TENM3: variants seen among roughly 807,000 people sequenced by gnomAD.
TENM3 encodes teneurin-3.
TENM3 carries 63 observed loss-of-function variants against 255.1 expected under a neutral mutation model. The observed-to-expected ratio is 0.25, with a 90% confidence interval of 0.20 to 0.30. TENM3 has a LOEUF of 0.30. TENM3 is among the 10% of genes least tolerant of loss of function. The pLI, the probability that TENM3 is intolerant of heterozygous loss-of-function variation, is 1.00. For missense variants in TENM3, 2,929 were observed against 3,461.1 expected (o/e 0.85, Z 3.86); for synonymous variants, 1,306 against 1,322.3 (o/e 0.99, Z 0.27).
At chr4:181,658,121 A>T in the TENM3 span, among the ~76,000 whole-genome samples, 2 of 152,194 alleles carry the variant, frequency 1.3e-5, no homozygotes, top group East Asian at 3.9e-4. Flanking sequence ...ACAAACCTGC[A>T]CATGTACTCT....
chr4:181,523,421 A>T, the TENM3 span, among the ~76,000 whole-genome samples: 1 of 117,458 alleles, frequency 8.5e-6, no homozygotes, highest in African/African-American at 3.1e-5. Context: ...TTTAAAATTA[A>T]AAAAAAAAAA....
chr4:181,889,244 C>T, the TENM3 span, among the ~76,000 whole-genome samples: 3 of 152,066 alleles, frequency 2.0e-5, no homozygotes, highest in East Asian at 1.9e-4. Context: ...GTGATGCGTG[C>T]GTTCACGTGG....
At chr4:181,612,360 T>C in the TENM3 span, among the ~76,000 whole-genome samples, 1 of 152,228 alleles carries the variant, frequency 6.6e-6, no homozygotes, top group Non-Finnish European at 1.5e-5. Context: ...TTCATTTCAG[T>C]CCTCATGGTA....
intron 5 of TENM3, among the ~76,000 whole-genome samples, chr4:182,640,818 C>T (rs968022070): frequency 6.6e-6 from 1 of 152,170 alleles, no homozygotes; most frequent in Non-Finnish European, 1.5e-5. Flanking sequence ...TTAGGAGTAA[C>T]TAAGGAAAAC....
the TENM3 span, among the ~76,000 whole-genome samples, chr4:181,670,168 T>C: frequency 6.6e-6 from 1 of 152,334 alleles, no homozygotes; most frequent in Admixed American, 6.5e-5. Flanking sequence ...ATTAATACTT[T>C]GGAATGAATA....
chr4:181,523,556 G>A, the TENM3 span, among the ~76,000 whole-genome samples: 1 of 152,044 alleles, frequency 6.6e-6, no homozygotes, highest in South Asian at 2.1e-4. Context: ...TGGCAAACAA[G>A]CCTGAACCAT....
At chr4:181,781,823 C>G in the TENM3 span, among the ~76,000 whole-genome samples, 1 of 152,112 alleles carries the variant, frequency 6.6e-6, no homozygotes, top group Non-Finnish European at 1.5e-5. Flanking sequence ...GAATTTTTAG[C>G]ATGAAGGGCT....
At chr4:182,543,801 G>C (rs61487250) in intron 3 of TENM3, among the ~76,000 whole-genome samples, 1 of 151,564 alleles carries the variant, frequency 6.6e-6, no homozygotes, top group Non-Finnish European at 1.5e-5. Context: ...TATTTTAAGT[G>C]CTTTACATAC....
chr4:182,359,175 C>A (rs375215790), intron 3 of TENM3, among the ~76,000 whole-genome samples: 2 of 152,106 alleles, frequency 1.3e-5, no homozygotes, highest in East Asian at 1.9e-4. Context: ...TTGGTCTAAA[C>A]TTCTCTTTTT....
chr4:181,957,288 G>A, the TENM3 span, among the ~76,000 whole-genome samples: 2 of 152,198 alleles, frequency 1.3e-5, no homozygotes, highest in South Asian at 4.2e-4. Context: ...CATGGACCAC[G>A]GCCAGCATCA....
chr4:182,420,543 C>T (rs2045406), intron 3 of TENM3, among the ~76,000 whole-genome samples: 150,925 of 152,358 alleles, frequency 0.99, 74,769 homozygotes, highest in East Asian at 1. Context: ...CTTTATCAGA[C>T]TAAAAATAGA....
chr4:182,793,114 A>C lies in TENM3; in HGVS notation c.6442A>C (p.Met2148Leu). The C allele has an allele frequency of 6.2e-7, 1 of 1,613,994 alleles. No individual in the cohort carries two copies. Among genetic ancestry groups the C allele is most frequent in the Non-Finnish European group, 8.5e-7 (1 of 1,179,908 alleles). Reference protein sequence around the residue: ...LQTVYLNEKIMWRYNYDLNGN... With the variant: ...LQTVYLNEKILWRYNYDLNGN... Reference sequence around the variant, plus strand: ...AACAGTTTACCTCAATGAAAAGATAATGTGGCGGTACAACTACGATCTGAA... The same window carrying C: ...AACAGTTTACCTCAATGAAAAGATACTGTGGCGGTACAACTACGATCTGAA... Residue 2148 changes from methionine to leucine, a missense_variant, in exon 26 of 28, where the codon ATG (methionine) becomes CTG (leucine). Physicochemically the swap from Met to Leu is conservative, Grantham distance 15 (BLOSUM62 2). Transcript: ENST00000511685. The surrounding 1 kb of genome is among the most constrained non-coding windows in gnomAD (Gnocchi z 5.7).
At chr4:182,663,882 A>G (rs57199838) in intron 6 of TENM3, among the ~76,000 whole-genome samples, 2,676 of 152,270 alleles carry the variant, frequency 0.018, 85 homozygotes, top group African/African-American at 0.061. Context: ...TTTAGAACCA[A>G]TCCTTTTCCC....
chr4:182,240,846 T>C (rs1757207808), upstream of TENM3, among the ~76,000 whole-genome samples: 1 of 152,206 alleles, frequency 6.6e-6, no homozygotes, highest in Non-Finnish European at 1.5e-5. Flanking sequence ...ATAGGATTAC[T>C]GTATTACAGG....
At chr4:182,200,831 T>TC (rs1052106585) in intron 1 of TENM3, among the ~76,000 whole-genome samples, 2 of 150,796 alleles carry the variant, frequency 1.3e-5, no homozygotes, top group Non-Finnish European at 3.0e-5. Context: ...AGTGCCTTTT[T>TC]TTTTTTTTTT....
chr4:182,244,171 T>C (rs1398516721), intron 1 of TENM3, among the ~76,000 whole-genome samples: 1 of 151,706 alleles, frequency 6.6e-6, no homozygotes, highest in Admixed American at 6.6e-5. Context: ...GCCGGGATGG[T>C]CTCGATCTCC....
At chr4:182,732,112 CA>C (rs1487269526) in intron 16 of TENM3, among the ~76,000 whole-genome samples, 2 of 152,042 alleles carry the variant, frequency 1.3e-5, no homozygotes, top group Non-Finnish European at 2.9e-5. Flanking sequence ...TCTACTCAAA[CA>C]AAATACTTTT....
chr4:182,698,589 T>C (rs1356031870), intron 12 of TENM3, among the ~76,000 whole-genome samples: 1 of 152,172 alleles, frequency 6.6e-6, no homozygotes, highest in Admixed American at 6.5e-5. Context: ...TCCAGTCATG[T>C]TGGTGATTTA....
At chr4:182,350,508 A>T (rs1386708542) in intron 3 of TENM3, among the ~76,000 whole-genome samples, 1 of 152,188 alleles carries the variant, frequency 6.6e-6, no homozygotes, top group Admixed American at 6.5e-5. Flanking sequence ...GGACTGCCAC[A>T]CACCAGGGCA....
Sources: gnomAD v4.1 joint callset for allele counts (sites outside exome capture counted in the v4.1 genomes callset) on GRCh38, gnomAD v4.1.1 for gene constraint, Gnocchi (gnomAD v3.1) non-coding constraint, MANE v1.5 for transcripts, NCBI Gene and HGNC (gene_info 2026-07-23, HGNC 2026-07-21) for gene names.